Variants in ANKDD1B observed in about 807,000 individuals in gnomAD.
ANKDD1B encodes the protein ankyrin repeat and death domain containing 1B, also known as ankyrin repeat and death domain-containing protein 1B.
In ANKDD1B, 57 loss-of-function variants were observed where a neutral mutation model predicts 59.7. The observed-to-expected ratio is 0.95, with a 90% CI of 0.77 to 1.19. The LOEUF (loss-of-function observed/expected upper bound fraction) is 1.19, where lower values mean the gene tolerates loss of function less well. ANKDD1B is among the 50% of genes most tolerant of loss of function. The probability of loss-of-function intolerance (pLI) is 0.00; values close to 1 mark genes in which losing one functional copy is unlikely to be tolerated. For synonymous variants in ANKDD1B, 216 were observed against 239.5 expected, an observed-to-expected ratio of 0.90 and a Z score of 0.91; for missense variants, 602 against 641.9, an observed-to-expected ratio of 0.94 and a Z score of 0.67.
At chr5:75,634,297 G>C (rs993705033) in intron 5 of ANKDD1B, among the ~76,000 whole-genome samples, 5 of 152,144 alleles carry the variant, frequency 3.3e-5, no homozygotes, top group Non-Finnish European at 7.4e-5. Context: ...CTCTTCATCT[G>C]TATTCTCTGG....
In ANKDD1B at chr5:75,611,525, C is replaced by T. The variant is rs1561427553; in HGVS notation, c.-110C>T. 1 of 918,702 alleles carries T rather than the reference C, an allele frequency of 1.1e-6. No homozygotes were observed. Among genetic ancestry groups the T allele is most frequent in the Middle Eastern group, 3.9e-4 (1 of 2,588 alleles). The allele number at this position is 918,702 out of a possible 1,614,324, so 56.9% of individuals were successfully genotyped here. On this transcript the variant is annotated 5_prime_UTR_variant, in exon 1 of 14. Transcript: ENST00000601380. ...CCGGCCGGGCTGACCTGCCTGCGTCCAGCCCCCGCGCCCTGGGCCTGCCTG... is the reference window on the plus strand; with the variant it reads ...CCGGCCGGGCTGACCTGCCTGCGTCTAGCCCCCGCGCCCTGGGCCTGCCTG...
chr5:75,650,257 G>T (rs1416082379), intron 7 of ANKDD1B, among the ~76,000 whole-genome samples: 1 of 152,224 alleles, frequency 6.6e-6, no homozygotes, highest in Non-Finnish European at 1.5e-5. Context: ...TACCAGGTGG[G>T]CCCAATGTAA....
intron 5 of ANKDD1B, among the ~76,000 whole-genome samples, chr5:75,629,507 A>C (rs1441280518): frequency 6.6e-6 from 1 of 152,094 alleles, no homozygotes; most frequent in African/African-American, 2.4e-5. Flanking sequence ...CTATTTATGA[A>C]ATTTTTGCTG....
Position 75,661,414 on chromosome 5 carries a change from A to AAAAAAAAAAAAAAAAAAAAAAAAG in ANKDD1B, c.1096-1969_1096-1968insAAAAAAAAAAAAGAAAAAAAAAAA, listed in dbSNP as rs1471501853. Among the ~76,000 whole-genome samples the AAAAAAAAAAAAAAAAAAAAAAAAG allele has an allele frequency of 6.1e-5, 8 of 131,478 alleles. No individual in the cohort carries two copies. In the South Asian group the frequency reaches 8.0e-4, roughly 13 times the overall value. 86.3% of individuals were successfully genotyped at this position (131,478 alleles called of 152,430 possible). A position where few individuals can be genotyped will look rare whatever the true frequency, so the allele number is the denominator to read the frequency against. On this transcript the variant is annotated intron_variant, in intron 10 of 13. Coordinates refer to ENST00000601380, the MANE Select transcript of ANKDD1B (RefSeq NM_001276713.2). ...TCCGTCTGAAAAAAAAAAAAAAAAA[A>AAAAAAAAAAAAAAAAAAAAAAAAG]AAAAAAAAAAAGTAACACAGGCCCA...
chr5:75,660,579 T>C (rs758792700), intron 10 of ANKDD1B, among the ~76,000 whole-genome samples: 9 of 152,242 alleles, frequency 5.9e-5, no homozygotes, highest in Non-Finnish European at 7.3e-5. Context: ...TTCTTTCAAG[T>C]GGTGCAGTAA....
intron 6 of ANKDD1B, 107 bp from the exon 7 acceptor site, chr5:75,635,676 GC>G (rs1774279864): frequency 1.5e-6 from 1 of 646,400 alleles, no homozygotes; most frequent in Non-Finnish European, 2.6e-6. Context: ...CTGGACCGCA[GC>G]TTTAACCAAA....
intron 7 of ANKDD1B, among the ~76,000 whole-genome samples, chr5:75,641,445 C>T (rs1018464729): frequency 1.3e-5 from 2 of 152,222 alleles, no homozygotes; most frequent in East Asian, 3.8e-4. Flanking sequence ...TCCAACCCCA[C>T]ATCGCAATTT....
In ANKDD1B at chr5:75,669,277, C is replaced by T; in HGVS notation, c.1419C>T (p.Gly473=). 1 of 1,232,140 alleles carries T rather than the reference C, an allele frequency of 8.1e-7. No homozygotes were observed. The highest frequency in any genetic ancestry group is 3.2e-5 in the East Asian group (1 of 31,710). The allele number at this position is 1,232,140 out of a possible 1,614,324, so 76.3% of individuals were successfully genotyped here. A position where few individuals can be genotyped will look rare whatever the true frequency, so the allele number is the denominator to read the frequency against. Residue 473 remains glycine (G), a synonymous_variant, in exon 13 of 14, where the codon GGC becomes GGT. Transcript: ENST00000601380. ...WSGNESFREH[G]HRALLIWLHG... ...GAAATGAAAGCTTCCGTGAACATGG[C>T]CACAGGGCTCTGCTTATCTGGCTAC...
chr5:75,615,764 C>T (rs1313177106), intron 1 of ANKDD1B, among the ~76,000 whole-genome samples: 3 of 151,660 alleles, frequency 2.0e-5, no homozygotes, highest in Non-Finnish European at 2.9e-5. Flanking sequence ...TTTATATGAC[C>T]TCATTTTACC....
intron 7 of ANKDD1B, among the ~76,000 whole-genome samples, chr5:75,639,164 A>T (rs1325271121): frequency 1.3e-5 from 2 of 152,176 alleles, no homozygotes; most frequent in Non-Finnish European, 2.9e-5. Flanking sequence ...AATGAGAAGA[A>T]AGATTATGGG....
At chr5:75,623,166 C>T (rs982800123) in intron 3 of ANKDD1B, among the ~76,000 whole-genome samples, 5 of 152,138 alleles carry the variant, frequency 3.3e-5, no homozygotes, top group African/African-American at 1.2e-4. Flanking sequence ...GCAACCTCCT[C>T]TTCCCAGGTT....
intron 10 of ANKDD1B, among the ~76,000 whole-genome samples, chr5:75,660,865 T>G (rs1775118452): frequency 6.6e-6 from 1 of 152,186 alleles, no homozygotes; most frequent in Non-Finnish European, 1.5e-5. Flanking sequence ...TTGCTACAAC[T>G]GTCAGCAAAG....
chr5:75,635,788 G>T lies in ANKDD1B; in HGVS notation c.704G>T (p.Gly235Val), dbSNP rs1316326516. 6.5e-7 allele frequency: 1 copy of T among 1,528,498 alleles called. No individual in the cohort carries two copies. Among genetic ancestry groups the T allele is most frequent in the East Asian group, 2.5e-5 (1 of 40,678 alleles). 94.7% of individuals were successfully genotyped at this position (1,528,498 alleles called of 1,614,324 possible). A position where few individuals can be genotyped will look rare whatever the true frequency, so the allele number is the denominator to read the frequency against. Residue 235 changes from glycine to valine, a missense_variant, in exon 7 of 14, where the codon GGA (glycine) becomes GTA (valine). Physicochemically the swap from Gly to Val is moderately radical, Grantham distance 109. Around this residue, in one of 3 missense-constraint regions of ANKDD1B, gnomAD observed 317 missense variants for 304.6 expected, o/e 1.04. Coordinates refer to ENST00000601380, the MANE Select transcript of ANKDD1B (RefSeq NM_001276713.2). The part of the protein sequence containing the change: ...NLHTSEKDKG[G>V]NTALHLAAKH... ...TCGAGTGTGTCTCTGTTGCAGGGGG[G>T]AAACACTGCCTTGCACCTCGCTGCG...
chr5:75,617,092 G>A (rs1464430944), intron 2 of ANKDD1B, among the ~76,000 whole-genome samples, 185 bp downstream of exon 2: 1 of 152,278 alleles, frequency 6.6e-6, no homozygotes, highest in East Asian at 1.9e-4. Flanking sequence ...GAGGCTCTGG[G>A]TGTTTTAATT....
At chr5:75,634,711 C>A in intron 5 of ANKDD1B, 187 bp from the exon 6 acceptor site, 1 of 527,684 alleles carries the variant, frequency 1.9e-6, no homozygotes, top group South Asian at 2.4e-5. Flanking sequence ...GATGTGGAGT[C>A]TCCCACAGTT....
chr5:75,637,137 C>T lies in ANKDD1B; in HGVS notation c.798+1255C>T, dbSNP rs552388553. On this transcript the variant is annotated intron_variant, in intron 7 of 13. Coordinates refer to ENST00000601380, the MANE Select transcript of ANKDD1B (RefSeq NM_001276713.2). ...ACGGGTGCCTGTGATCCCTGCTACT[C>T]GGGAGGCTGAGGCAGGAGAGTCGCT... Among the ~76,000 whole-genome samples the T allele has an allele frequency of 5.8e-4, 86 of 147,154 alleles. 1 individual carries two copies. The highest frequency in any genetic ancestry group is 1.4e-3 in the Admixed American group (21 of 14,550).
At chr5:75,636,671 G>A (rs1308347740) in intron 7 of ANKDD1B, among the ~76,000 whole-genome samples, 1 of 152,196 alleles carries the variant, frequency 6.6e-6, no homozygotes, top group African/African-American at 2.4e-5. Flanking sequence ...GACCAGTCAG[G>A]TGACTGCCAA....
At chr5:75,650,053 C>T (rs1348600400) in intron 7 of ANKDD1B, among the ~76,000 whole-genome samples, 1 of 152,140 alleles carries the variant, frequency 6.6e-6, no homozygotes, top group Non-Finnish European at 1.5e-5. Context: ...CACGTATCCT[C>T]CCAGTAGTAT....
chr5:75,661,396 GAAAAAAAA>G (rs11357068), intron 10 of ANKDD1B, among the ~76,000 whole-genome samples: 9 of 36,814 alleles, frequency 2.4e-4, no homozygotes, highest in Admixed American at 1.0e-3. Flanking sequence ...AACTCCGTCT[GAAAAAAAA>G]AAAAAAAAAA....
Sources: gnomAD v4.1 joint callset for allele counts (sites outside exome capture counted in the v4.1 genomes callset) on GRCh38, gnomAD v4.1.1 for gene constraint, gnomAD v4.1.1 regional missense constraint, MANE v1.5 for transcripts, NCBI Gene and HGNC (gene_info 2026-07-23, HGNC 2026-07-21) for gene names.